Variants in TSNAX observed in about 807,000 individuals in gnomAD.
The protein encoded by TSNAX is translin associated factor X.
A neutral mutation model predicts 33.0 loss-of-function variants in TSNAX; 12 were observed. The ratio of observed to expected loss-of-function variants is 0.36; its 90% CI spans 0.23 to 0.59. The LOEUF (loss-of-function observed/expected upper bound fraction) is 0.59, where lower values mean the gene tolerates loss of function less well. Among genes scored for constraint, TSNAX ranks in the 20% least tolerant of loss-of-function variants. The probability of loss-of-function intolerance (pLI) is 0.74; values close to 1 mark genes in which losing one functional copy is unlikely to be tolerated. For synonymous variants in TSNAX, 110 were observed against 117.2 expected (o/e 0.94, Z 0.40); for missense variants, 267 against 341.3 (o/e 0.78, Z 1.72).
intron 4 of TSNAX, among the ~76,000 whole-genome samples, chr1:231,545,874 C>T (rs1019907746): frequency 5.3e-5 from 8 of 152,090 alleles, no homozygotes; most frequent in Non-Finnish European, 1.0e-4. Flanking sequence ...ACTTCACAGG[C>T]GGGGAGATTG....
At chr1:231,560,456 C>T (rs1184329879) in intron 4 of TSNAX, among the ~76,000 whole-genome samples, 1 of 121,698 alleles carries the variant, frequency 8.2e-6, no homozygotes, top group African/African-American at 3.1e-5. Flanking sequence ...CTCTTGTCCC[C>T]CAGGCTGGAG....
intron 5 of TSNAX, 145 bp from the exon 6 acceptor site, chr1:231,564,383 A>G (rs1243402845): frequency 6.3e-6 from 9 of 1,433,292 alleles, no homozygotes; most frequent in Non-Finnish European, 8.3e-6. Context: ...GATTTATTTT[A>G]TTTAGAAAAA....
At chr1:231,528,948 G>A (rs1374439278) in intron 1 of TSNAX, 122 bp downstream of exon 1, 5 of 1,340,314 alleles carry the variant, frequency 3.7e-6, no homozygotes, top group African/African-American at 1.5e-5. Context: ...CTCGGGGGCG[G>A]CCCCTCTGTT....
chr1:231,565,179 A>G lies in TSNAX; in HGVS notation c.*274A>G, dbSNP rs1375760248. On this transcript the variant is annotated 3_prime_UTR_variant, in exon 6 of 6. Transcript: ENST00000366639. ...TATCATTTATCTTTGTAATGTGAAC[A>G]TGCTTCAGAGTGTACCTTTTGCCAT... The G allele has an allele frequency of 6.0e-6, 2 of 333,154 alleles. No homozygotes were observed. The highest frequency in any genetic ancestry group is 5.5e-6 in the Non-Finnish European group (1 of 182,232). The allele number at this position is 333,154 out of a possible 1,614,324, so 20.6% of individuals were successfully genotyped here. A position where few individuals can be genotyped will look rare whatever the true frequency, so the allele number is the denominator to read the frequency against.
chr1:231,546,216 C>T (rs931335658), intron 4 of TSNAX, among the ~76,000 whole-genome samples: 2 of 152,130 alleles, frequency 1.3e-5, no homozygotes, highest in African/African-American at 4.8e-5. Flanking sequence ...AATAAGTCTC[C>T]CGAAATACAA....
intron 2 of TSNAX, among the ~76,000 whole-genome samples, chr1:231,532,322 G>A (rs890750717): frequency 1.3e-5 from 2 of 151,466 alleles, no homozygotes; most frequent in African/African-American, 2.4e-5. Context: ...CTCCCAAGTA[G>A]CTGGGACTAC....
chr1:231,550,502 G>A (rs956805657), intron 4 of TSNAX, among the ~76,000 whole-genome samples: 2 of 152,216 alleles, frequency 1.3e-5, no homozygotes, highest in African/African-American at 4.8e-5. Context: ...ATAATCTCAG[G>A]TAGGTTCAGG....
chr1:231,558,773 A>T (rs1660852213), intron 4 of TSNAX, among the ~76,000 whole-genome samples: 1 of 152,156 alleles, frequency 6.6e-6, no homozygotes, highest in African/African-American at 2.4e-5. Context: ...ACATTTAATT[A>T]AAAATATTTT....
At chr1:231,530,371 G>A (rs780647184) in intron 2 of TSNAX, among the ~76,000 whole-genome samples, 1 of 152,206 alleles carries the variant, frequency 6.6e-6, no homozygotes, top group Non-Finnish European at 1.5e-5. Flanking sequence ...ACAGCTGGCC[G>A]TAATTGAATA....
chr1:231,531,598 A>T (rs1012890359), intron 2 of TSNAX, among the ~76,000 whole-genome samples: 6 of 152,214 alleles, frequency 3.9e-5, no homozygotes, highest in Admixed American at 1.3e-4. Context: ...ATGAATACAT[A>T]TTGATTATCT....
intron 4 of TSNAX, among the ~76,000 whole-genome samples, chr1:231,558,677 T>C (rs945804612): frequency 6.6e-6 from 1 of 152,118 alleles, no homozygotes; most frequent in Non-Finnish European, 1.5e-5. Context: ...GAAGTATCTT[T>C]AGAAGGAAAT....
chr1:231,554,404 T>C (rs1417273028), intron 4 of TSNAX, among the ~76,000 whole-genome samples: 1 of 152,186 alleles, frequency 6.6e-6, no homozygotes, highest in African/African-American at 2.4e-5. Flanking sequence ...CTTGTACATA[T>C]GAGTTGCTAT....
chr1:231,529,966 A>T (rs1000990180), intron 2 of TSNAX, among the ~76,000 whole-genome samples: 4 of 152,196 alleles, frequency 2.6e-5, no homozygotes, highest in Non-Finnish European at 4.4e-5. Context: ...TAGCTGGTTG[A>T]TTCCTATTTG....
chr1:231,547,476 C>T (rs1314956417), intron 4 of TSNAX, among the ~76,000 whole-genome samples: 5 of 149,652 alleles, frequency 3.3e-5, no homozygotes, highest in African/African-American at 1.2e-4. Context: ...CTGCAAGCTC[C>T]GCCTCCTGGG....
chr1:231,560,998 A>G (rs1661078402), intron 4 of TSNAX, 130 bp from the exon 5 acceptor site: 1 of 838,784 alleles, frequency 1.2e-6, no homozygotes, highest in Non-Finnish European at 1.9e-6. Flanking sequence ...CTAGTCTAGT[A>G]CTGGCATTGT....
At chr1:231,532,074 GAAAA>G (rs1256792632) in intron 2 of TSNAX, among the ~76,000 whole-genome samples, 1 of 81,180 alleles carries the variant, frequency 1.2e-5, no homozygotes, top group Non-Finnish European at 2.4e-5. Context: ...ACTCAAAAAG[GAAAA>G]AAAAAAAACT....
rs545318334 is a variant in TSNAX, at chr1:231,562,249, T to C, written c.495+994T>C. On this transcript the variant is annotated intron_variant, in intron 5 of 5. Coordinates refer to ENST00000366639, the MANE Select transcript of TSNAX (RefSeq NM_005999.3). ...TTAAAAATTTTCTTTATTTTTTCTT[T>C]TAAAAATTATTTTTAAAAACACCAT... 4.7e-5 allele frequency among the ~76,000 whole-genome samples: 7 copies of C among 150,312 alleles called. No individual in the cohort carries two copies. The South Asian group carries it at 8.3e-4, about 18-fold the overall frequency.
intron 4 of TSNAX, among the ~76,000 whole-genome samples, chr1:231,545,072 G>A (rs1659814763): frequency 6.9e-6 from 1 of 144,488 alleles, no homozygotes; most frequent in South Asian, 2.1e-4. Context: ...CAATAAAGAT[G>A]TTTTTTCTTA....
chr1:231,561,292 A>G, intron 5 of TSNAX, 37 bp downstream of exon 5: 1 of 1,409,032 alleles, frequency 7.1e-7, no homozygotes, highest in Admixed American at 2.0e-5. Context: ...TTGTTATATA[A>G]TTTATGTAAC....
Sources: gnomAD v4.1 joint callset for allele counts (sites outside exome capture counted in the v4.1 genomes callset) on GRCh38, gnomAD v4.1.1 for gene constraint, MANE v1.5 for transcripts, NCBI Gene and HGNC (gene_info 2026-07-23, HGNC 2026-07-21) for gene names.